The following TMOD1 variants were observed in gnomAD, a reference collection of about 807,000 sequenced individuals.
TMOD1 encodes the protein tropomodulin-1.
A neutral mutation model predicts 40.6 loss-of-function variants in TMOD1; 17 were observed. The observed-to-expected ratio is 0.42, with a 90% CI of 0.29 to 0.63. The LOEUF (loss-of-function observed/expected upper bound fraction) is 0.63. Among genes scored for constraint, TMOD1 ranks in the 20% least tolerant of loss-of-function variants. The pLI, the probability that TMOD1 is intolerant of heterozygous loss-of-function variation, is 0.22. For synonymous variants in TMOD1, 181 were observed against 175.0 expected, an observed-to-expected ratio of 1.03 and a Z score of -0.27; for missense variants, 391 against 447.6, an observed-to-expected ratio of 0.87 and a Z score of 1.14.
At chr9:97,567,366 C>T (rs537011496) in intron 7 of TMOD1, among the ~76,000 whole-genome samples, 33 of 152,308 alleles carry the variant, frequency 2.2e-4, no homozygotes, top group Non-Finnish European at 4.3e-4. Context: ...CCAGTATGCC[C>T]GTGTCAAACA....
At chr9:97,531,200 A>G (rs1185192683) in intron 2 of TMOD1, among the ~76,000 whole-genome samples, 1 of 152,186 alleles carries the variant, frequency 6.6e-6, no homozygotes, top group Non-Finnish European at 1.5e-5. Context: ...ATTGATCCTC[A>G]TAGGATGAGG....
chr9:97,541,029 C>T (rs531895939), intron 2 of TMOD1, among the ~76,000 whole-genome samples: 1 of 152,198 alleles, frequency 6.6e-6, no homozygotes, highest in South Asian at 2.1e-4. Flanking sequence ...TTTATTATTG[C>T]CATCCTGCTG....
At chr9:97,586,972 T>C (rs12346614) in intron 8 of TMOD1, among the ~76,000 whole-genome samples, 15,896 of 152,244 alleles carry the variant, frequency 0.1, 914 homozygotes, top group Admixed American at 0.15. Context: ...TCTTCTGCGT[T>C]GCTCACGCTG....
chr9:97,545,805 AAAC>A (rs1406455673), intron 2 of TMOD1, among the ~76,000 whole-genome samples: 1 of 152,160 alleles, frequency 6.6e-6, no homozygotes, highest in African/African-American at 2.4e-5. Flanking sequence ...TTATGCATCC[AAAC>A]AACAACTCAA....
chr9:97,578,581 C>T (rs541120974), intron 8 of TMOD1, among the ~76,000 whole-genome samples: 2 of 152,262 alleles, frequency 1.3e-5, no homozygotes, highest in East Asian at 1.9e-4. Flanking sequence ...GCAGTCCTTT[C>T]AGCCCCAGGT....
intron 4 of TMOD1, among the ~76,000 whole-genome samples, chr9:97,560,999 T>C (rs1308366934): frequency 6.6e-6 from 1 of 152,136 alleles, no homozygotes; most frequent in Non-Finnish European, 1.5e-5. Context: ...AGAGAAGCTG[T>C]TGGGAGGGGG....
chr9:97,583,146 G>A (rs1312050270), intron 8 of TMOD1, among the ~76,000 whole-genome samples: 4 of 150,352 alleles, frequency 2.7e-5, no homozygotes, highest in South Asian at 2.1e-4. Context: ...TTTGTCATAG[G>A]TAGCTCTTAT....
intron 5 of TMOD1, among the ~76,000 whole-genome samples, chr9:97,563,691 C>G (rs1377765167): frequency 2.0e-5 from 3 of 152,226 alleles, no homozygotes; most frequent in Non-Finnish European, 4.4e-5. Context: ...TGATGCATTT[C>G]TTTCCCATCC....
chr9:97,541,135 A>G (rs1830269904), intron 2 of TMOD1, among the ~76,000 whole-genome samples: 1 of 152,110 alleles, frequency 6.6e-6, no homozygotes. Context: ...CCATTTTTAT[A>G]TAATCTTTGG....
chr9:97,599,965 G>A lies in TMOD1; in HGVS notation c.*267G>A. 8.1e-7 allele frequency: 1 copy of A among 1,236,306 alleles called. No homozygotes were observed. The allele number at this position is 1,236,306 out of a possible 1,614,324, so 76.6% of individuals were successfully genotyped here. A position where few individuals can be genotyped will look rare whatever the true frequency, so the allele number is the denominator to read the frequency against. On this transcript the variant is annotated 3_prime_UTR_variant, in exon 10 of 10. Transcript: ENST00000259365. ...CCCCAAACCAGCAGATCTTACTGAAGATGATGTTCCAGCAGCAGCGACTTA... is the reference window on the plus strand; with the variant it reads ...CCCCAAACCAGCAGATCTTACTGAAAATGATGTTCCAGCAGCAGCGACTTA...
intron 1 of TMOD1, among the ~76,000 whole-genome samples, chr9:97,504,062 G>C (rs1829548756): frequency 6.6e-6 from 1 of 152,134 alleles, no homozygotes; most frequent in Non-Finnish European, 1.5e-5. Context: ...GATTGGCAGG[G>C]ATCATGAGTG....
intron 2 of TMOD1, among the ~76,000 whole-genome samples, chr9:97,538,001 T>C (rs1830210086): frequency 6.6e-6 from 1 of 152,130 alleles, no homozygotes; most frequent in Non-Finnish European, 1.5e-5. Context: ...TTGGACTACG[T>C]GTCAATATTT....
chr9:97,548,566 C>A (rs1830400938), intron 3 of TMOD1, among the ~76,000 whole-genome samples: 1 of 152,284 alleles, frequency 6.6e-6, no homozygotes, highest in African/African-American at 2.4e-5. Flanking sequence ...CATGTACCCA[C>A]ACCCCTCCCA....
intron 8 of TMOD1, among the ~76,000 whole-genome samples, chr9:97,584,969 C>T (rs1469922111): frequency 1.3e-5 from 2 of 152,166 alleles, no homozygotes; most frequent in African/African-American, 4.8e-5. Flanking sequence ...ATTTGCCAGT[C>T]TGTGTCTTTT....
intron 9 of TMOD1, among the ~76,000 whole-genome samples, chr9:97,595,270 CTAT>C (rs1194599491): frequency 6.6e-6 from 1 of 152,180 alleles, no homozygotes. Flanking sequence ...GTATAATACA[CTAT>C]TATTAGCTAT....
At chr9:97,532,710 T>C (rs1277201847) in intron 2 of TMOD1, among the ~76,000 whole-genome samples, 2 of 152,098 alleles carry the variant, frequency 1.3e-5, no homozygotes, top group Non-Finnish European at 2.9e-5. Flanking sequence ...TACTGAGCGC[T>C]TTCTATTGGG....
rs764647744 is a variant in TMOD1, at chr9:97,546,295, G to A, written c.231G>A (p.Glu77=). The change falls in exon 3 of 10, where the codon GAG becomes GAA. Residue 77 remains glutamate, a synonymous_variant. Coordinates refer to ENST00000259365, the MANE Select transcript of TMOD1 (RefSeq NM_003275.4). Reference sequence around the variant, plus strand: ...ATCACTTGGAAAAGCAAGCAAAGGAGTTTAAGGACCGAGAAGATCTGGTCC... The same window carrying A: ...ATCACTTGGAAAAGCAAGCAAAGGAATTTAAGGACCGAGAAGATCTGGTCC... ...LLDHLEKQAK[E]FKDREDLVPY... 6 of 1,614,130 alleles carry A rather than the reference G, an allele frequency of 3.7e-6. No homozygotes were observed. In the South Asian group the frequency reaches 6.6e-5, roughly 18 times the overall value.
intron 1 of TMOD1, among the ~76,000 whole-genome samples, chr9:97,504,495 A>G (rs1238459023): frequency 3.9e-5 from 6 of 152,258 alleles, no homozygotes; most frequent in Non-Finnish European, 8.8e-5. Context: ...AGGAGAGGGG[A>G]GAGAGTTAAA....
intron 4 of TMOD1, among the ~76,000 whole-genome samples, chr9:97,559,772 TAAAAA>T (rs58522887): frequency 0.071 from 2,579 of 36,542 alleles, 98 homozygotes; most frequent in Non-Finnish European, 0.084. Context: ...CTCAAAAATT[TAAAAA>T]AAAAAAAAAA....
Sources: allele counts gnomAD v4.1 joint callset (sites outside exome capture counted in the v4.1 genomes callset), GRCh38; gene constraint gnomAD v4.1.1; transcripts MANE v1.5; gene names NCBI Gene and HGNC (gene_info 2026-07-23, HGNC 2026-07-21).